The following MET variants were observed in gnomAD, a reference collection of about 807,000 sequenced individuals.
The protein encoded by MET is hepatocyte growth factor receptor.
In MET, 48 loss-of-function variants were observed where a neutral mutation model predicts 133.1. The observed-to-expected ratio is 0.36, with a 90% CI of 0.29 to 0.46. MET has a LOEUF of 0.46. Ranked by LOEUF, MET falls within the 20% of genes least tolerant of loss-of-function variation. The pLI is 1.00. For synonymous variants in MET, 628 were observed against 616.5 expected (o/e 1.02, Z -0.28); for missense variants, 1,442 against 1,695.9 (o/e 0.85, Z 2.63).
chr7:116,674,854 G>GCCAT (rs1316707712), intron 1 of MET, among the ~76,000 whole-genome samples: 1 of 152,170 alleles, frequency 6.6e-6, no homozygotes, highest in Non-Finnish European at 1.5e-5. Flanking sequence ...TCTCGCCAGA[G>GCCAT]CCATCTACGC....
In MET at chr7:116,761,851, T is replaced by C. The variant is rs187317333; in HGVS notation, c.2365-1199T>C. 4.0e-4 allele frequency among the ~76,000 whole-genome samples: 61 copies of C among 152,316 alleles called. 1 individual carries two copies. The East Asian group carries it at 0.011, about 26-fold the overall frequency. ...AATGTAAGATCATTTTTTAAATGAT[T>C]TTTTAAAGAAAATAGCAAATAACAA... On this transcript the variant is annotated intron_variant, in intron 10 of 20. Coordinates refer to ENST00000397752, the MANE Select transcript of MET (RefSeq NM_000245.4).
At chr7:116,741,656 C>A (rs565227835) in intron 5 of MET, among the ~76,000 whole-genome samples, 1 of 152,128 alleles carries the variant, frequency 6.6e-6, no homozygotes, top group East Asian at 1.9e-4. Flanking sequence ...AGGGTCAACA[C>A]CCATGGGTGG....
At chr7:116,684,406 C>T (rs1311094713) in intron 1 of MET, among the ~76,000 whole-genome samples, 3 of 152,186 alleles carry the variant, frequency 2.0e-5, no homozygotes, top group Non-Finnish European at 4.4e-5. Context: ...AAAAGTGGAG[C>T]TTACACTCTG....
At chr7:116,742,667 A>G (rs1246578196) in intron 5 of MET, among the ~76,000 whole-genome samples, 1 of 152,236 alleles carries the variant, frequency 6.6e-6, no homozygotes, top group African/African-American at 2.4e-5. Flanking sequence ...TAAAGTAAAT[A>G]TTTCAGAATT....
intron 5 of MET, among the ~76,000 whole-genome samples, chr7:116,744,685 G>C (rs1223201251): frequency 6.6e-6 from 1 of 152,122 alleles, no homozygotes; most frequent in Non-Finnish European, 1.5e-5. Flanking sequence ...AGGAAATACA[G>C]AGAACACCAC....
intron 2 of MET, among the ~76,000 whole-genome samples, chr7:116,718,278 A>G (rs746516047): frequency 2.0e-5 from 3 of 152,052 alleles, no homozygotes; most frequent in Admixed American, 1.3e-4. Flanking sequence ...AGTCTCAGCT[A>G]TTCAGGAGGC....
At position 116,778,942 on chromosome 7, in the gene MET, T is replaced by C. The variant is rs200184140; in HGVS notation, c.3507T>C (p.Ile1169=). 2 of 1,613,792 alleles carry C rather than the reference T, an allele frequency of 1.2e-6. No individual in the cohort carries two copies. The highest frequency in any genetic ancestry group is 2.2e-5 in the South Asian group (2 of 91,052). ...YMKHGDLRNF[I]RNETHNPTVK... is the part of the protein sequence containing the mutation. ...AACATGGAGATCTTCGAAATTTCATTCGAAATGAGACTCATGTAAGTTGAC... is the reference window on the plus strand; with the variant it reads ...AACATGGAGATCTTCGAAATTTCATCCGAAATGAGACTCATGTAAGTTGAC... The change falls in exon 17 of 21, where the codon ATT becomes ATC. Residue 1169 remains isoleucine (I), a synonymous_variant. Transcript: ENST00000397752.
intron 2 of MET, among the ~76,000 whole-genome samples, chr7:116,730,722 G>A (rs1210525291): frequency 1.6e-4 from 24 of 152,260 alleles, no homozygotes; most frequent in Non-Finnish European, 1.3e-4. Flanking sequence ...TCTGACTTGT[G>A]CACCTGGAGG....
chr7:116,786,690 G>A (rs1360458852), intron 19 of MET, among the ~76,000 whole-genome samples: 1 of 152,214 alleles, frequency 6.6e-6, no homozygotes, highest in African/African-American at 2.4e-5. Flanking sequence ...GTAAGTCAGA[G>A]GACTGTGATG....
chr7:116,792,132 A>G (rs1325312662), intron 19 of MET, among the ~76,000 whole-genome samples: 1 of 151,894 alleles, frequency 6.6e-6, no homozygotes, highest in African/African-American at 2.4e-5. Flanking sequence ...ATCTCCATGC[A>G]TCTACTCTTG....
intron 2 of MET, 120 bp downstream of exon 2, chr7:116,700,404 G>A: frequency 8.7e-7 from 1 of 1,153,482 alleles, no homozygotes; most frequent in Non-Finnish European, 1.2e-6. Flanking sequence ...ATCCAAAATA[G>A]TTGCAGATTT....
At chr7:116,714,958 A>G (rs1413702777) in intron 2 of MET, among the ~76,000 whole-genome samples, 1 of 152,194 alleles carries the variant, frequency 6.6e-6, no homozygotes, top group Non-Finnish European at 1.5e-5. Context: ...ATTCTCTTCA[A>G]TAGGTGTGAG....
At chr7:116,735,689 T>C (rs1317289343) in intron 3 of MET, among the ~76,000 whole-genome samples, 2 of 152,208 alleles carry the variant, frequency 1.3e-5, no homozygotes, top group Non-Finnish European at 2.9e-5. Context: ...ACCCATCTCT[T>C]TTATAAAATA....
intron 1 of MET, among the ~76,000 whole-genome samples, chr7:116,682,204 C>G (rs1796386081): frequency 2.0e-5 from 3 of 152,152 alleles, no homozygotes; most frequent in African/African-American, 7.2e-5. Flanking sequence ...TCATTAATGA[C>G]AATGAAAGGT....
intron 2 of MET, among the ~76,000 whole-genome samples, chr7:116,707,224 T>A (rs977129833): frequency 3.3e-5 from 5 of 152,122 alleles, no homozygotes; most frequent in African/African-American, 1.2e-4. Flanking sequence ...AAAGCTTTGT[T>A]TTAACCATTC....
intron 2 of MET, chr7:116,724,782 T>C (rs1465488249): frequency 1.6e-6 from 2 of 1,278,454 alleles, no homozygotes; most frequent in Non-Finnish European, 2.0e-6. Context: ...GCAGAAAATG[T>C]GCTAGATTGG....
chr7:116,724,140 G>A (rs904524372), intron 2 of MET: 27 of 174,336 alleles, frequency 1.5e-4, no homozygotes, highest in Non-Finnish European at 2.5e-4. Flanking sequence ...GCGGGACTCC[G>A]TGGGCGTAGG....
intron 17 of MET, among the ~76,000 whole-genome samples, chr7:116,779,712 T>C (rs1469501265): frequency 6.6e-6 from 1 of 152,188 alleles, no homozygotes; most frequent in Middle Eastern, 3.4e-3. Flanking sequence ...AGATTCTGAA[T>C]ACTTAGTATT....
chr7:116,756,558 G>T (rs756042406), intron 6 of MET, among the ~76,000 whole-genome samples: 5 of 152,054 alleles, frequency 3.3e-5, no homozygotes, highest in Admixed American at 6.6e-5. Flanking sequence ...TAAAAGTAAA[G>T]CATAATTCAT....
Sources: allele counts gnomAD v4.1 joint callset (sites outside exome capture counted in the v4.1 genomes callset), GRCh38; gene constraint gnomAD v4.1.1; transcripts MANE v1.5; gene names NCBI Gene and HGNC (gene_info 2026-07-23, HGNC 2026-07-21).